The following VWDE variants were observed in gnomAD, a reference collection of about 807,000 sequenced individuals.
VWDE encodes the protein von Willebrand factor D and EGF domain-containing protein.
VWDE carries 207 observed loss-of-function variants against 178.4 expected under a neutral mutation model. The observed-to-expected ratio is 1.16, with a 90% CI of 1.04 to 1.30. VWDE has a LOEUF of 1.30. Ranked by LOEUF, VWDE falls within the 50% of genes most tolerant of loss-of-function variation. The pLI is 0.00. For missense variants in VWDE, 2,287 were observed against 1,901.3 expected, an observed-to-expected ratio of 1.20 and a Z score of -3.77; for synonymous variants, 738 against 651.4, an observed-to-expected ratio of 1.13 and a Z score of -2.02.
Position 12,373,263 on chromosome 7 carries a change from G to C in VWDE, c.1317-16C>G, listed in dbSNP as rs953520971. Reference sequence around the variant, plus strand: ...ATCATATACCCTATCATTAACAAAAGGCAATTGCATTAAAAAATCGTGTAA... The same window carrying C: ...ATCATATACCCTATCATTAACAAAACGCAATTGCATTAAAAAATCGTGTAA... On this transcript the variant is annotated splice_polypyrimidine_tract_variant and intron_variant, in intron 9 of 28. Transcript: ENST00000275358. 1 of 1,546,606 alleles carries C rather than the reference G, an allele frequency of 6.5e-7. No homozygotes were observed. The highest frequency in any genetic ancestry group is 8.7e-7 in the Non-Finnish European group (1 of 1,145,716).
At chr7:12,363,387 G>C (rs926046560) in intron 13 of VWDE, among the ~76,000 whole-genome samples, 1 of 152,002 alleles carries the variant, frequency 6.6e-6, no homozygotes, top group Non-Finnish European at 1.5e-5. Context: ...AAATCATAAT[G>C]TGCCATCCAT....
intron 18 of VWDE, chr7:12,354,400 T>C (rs1158084274): frequency 4.5e-6 from 2 of 443,524 alleles, no homozygotes; most frequent in East Asian, 1.5e-4. Flanking sequence ...TGAACCACAA[T>C]GATAGGAACC....
chr7:12,387,322 CATT>C (rs1056913257), intron 3 of VWDE, among the ~76,000 whole-genome samples: 11 of 151,944 alleles, frequency 7.2e-5, no homozygotes, highest in African/African-American at 2.7e-4. Flanking sequence ...GAGTGTGTGT[CATT>C]GTTTTTATGA....
intron 1 of VWDE, among the ~76,000 whole-genome samples, chr7:12,399,502 C>G (rs573333044): frequency 1.3e-5 from 2 of 152,150 alleles, no homozygotes; most frequent in Non-Finnish European, 2.9e-5. Context: ...TAATATCCCA[C>G]TTTCAATATC....
chr7:12,349,719 A>G (rs996270423), intron 19 of VWDE, among the ~76,000 whole-genome samples: 2 of 152,020 alleles, frequency 1.3e-5, no homozygotes, highest in African/African-American at 4.8e-5. Flanking sequence ...CTAAATGATT[A>G]TTTGAAAAAA....
At chr7:12,383,387 A>T in intron 4 of VWDE, 149 bp downstream of exon 4, 1 of 649,972 alleles carries the variant, frequency 1.5e-6, no homozygotes, top group East Asian at 3.0e-5. Flanking sequence ...TAAAGGCACG[A>T]TAAAGTTATT....
chr7:12,389,495 T>C (rs1392660264), intron 2 of VWDE, 137 bp from the exon 3 acceptor site: 2 of 624,248 alleles, frequency 3.2e-6, no homozygotes, highest in Non-Finnish European at 5.6e-6. Flanking sequence ...GTACCTGTTC[T>C]ATACAAGGAA....
chr7:12,336,046 T>C, intron 27 of VWDE, 95 bp downstream of exon 27: 1 of 1,085,282 alleles, frequency 9.2e-7, no homozygotes, highest in East Asian at 2.8e-5. Context: ...CTGGAGTTTT[T>C]TCCCCCTTAT....
At chr7:12,338,722 T>C (rs1003560774) in intron 24 of VWDE, among the ~76,000 whole-genome samples, 3 of 152,058 alleles carry the variant, frequency 2.0e-5, no homozygotes, top group Non-Finnish European at 4.4e-5. Flanking sequence ...AATCCTGAAG[T>C]GGGCTAAGTA....
intron 1 of VWDE, among the ~76,000 whole-genome samples, chr7:12,394,894 C>A (rs542177820): frequency 3.3e-5 from 5 of 152,142 alleles, no homozygotes; most frequent in East Asian, 1.9e-4. Context: ...AAATCAAAAT[C>A]AATTTCTCAA....
rs1783299319 is a variant in VWDE, at chr7:12,373,060, A to C, written c.1504T>G (p.Ser502Ala). The change falls in exon 10 of 29, where the codon TCA (serine) becomes GCA (alanine). Residue 502 changes from serine (S) to alanine (A), a missense_variant. Transcript: ENST00000275358. ...FDMCNGQLRE[S>A]QPYLFIKSQD... is the part of the protein sequence containing the mutation. ...CTTTTTATGAACAAATATGGTTGTG[A>C]TTCACGTAGCTGACCATTGCACATA... is the stretch of plus-strand genomic sequence containing the variant. 6.4e-7 allele frequency: 1 copy of C among 1,551,206 alleles called. No individual in the cohort carries two copies. The highest frequency in any genetic ancestry group is 1.4e-5 in the African/African-American group (1 of 73,088).
At chr7:12,393,974 TAAAC>T (rs943694296) in intron 1 of VWDE, among the ~76,000 whole-genome samples, 196 bp from the exon 2 acceptor site, 4 of 152,180 alleles carry the variant, frequency 2.6e-5, no homozygotes, top group African/African-American at 7.2e-5. Context: ...ATAAATGCGA[TAAAC>T]AAATCAACAA....
chr7:12,391,607 T>A (rs1784392498), intron 2 of VWDE, among the ~76,000 whole-genome samples: 1 of 152,254 alleles, frequency 6.6e-6, no homozygotes, highest in South Asian at 2.1e-4. Context: ...ATTCTGAATT[T>A]TTTTTAGTTC....
chr7:12,331,628 T>C (rs560070678), intron 28 of VWDE, among the ~76,000 whole-genome samples: 3 of 152,276 alleles, frequency 2.0e-5, no homozygotes, highest in South Asian at 4.1e-4. Flanking sequence ...GCTTGTTATG[T>C]CCCAGGCACC....
Position 12,370,686 on chromosome 7 carries a change from T to C in VWDE, c.1766A>G (p.Asn589Ser). Reference sequence around the variant, plus strand: ...TTCATTAATAAAAGCAACATAATTGTTAAAATTTTGATCAATTTGCATCCC... The same window carrying C: ...TTCATTAATAAAAGCAACATAATTGCTAAAATTTTGATCAATTTGCATCCC... ...KNGMQIDQNF[N>S]NYVAFINEWR... The change falls in exon 11 of 29, where the codon AAC becomes AGC. Residue 589 changes from asparagine (N) to serine (S), a missense_variant. By Grantham distance (46) the Asn-to-Ser change is conservative. Coordinates refer to ENST00000275358, the MANE Select transcript of VWDE (RefSeq NM_001135924.3). 1.3e-6 allele frequency: 2 copies of C among 1,551,178 alleles called. No homozygotes were observed. The highest frequency in any genetic ancestry group is 1.7e-6 in the Non-Finnish European group (2 of 1,146,692).
intron 2 of VWDE, 117 bp from the exon 3 acceptor site, chr7:12,389,475 A>G (rs1363272190): frequency 2.6e-6 from 2 of 761,516 alleles, no homozygotes; most frequent in African/African-American, 3.5e-5. Context: ...CATTAAAAAA[A>G]TTATGGCTTG....
chr7:12,366,372 G>C (rs1782861035), intron 13 of VWDE, among the ~76,000 whole-genome samples: 1 of 151,918 alleles, frequency 6.6e-6, no homozygotes, highest in African/African-American at 2.4e-5. Flanking sequence ...TGCTTTCCAA[G>C]AGAATATAAA....
intron 13 of VWDE, among the ~76,000 whole-genome samples, chr7:12,364,123 G>C (rs1782729145): frequency 6.6e-6 from 1 of 152,044 alleles, no homozygotes. Flanking sequence ...GAGAAGGCTA[G>C]AATGAACCTT....
At chr7:12,385,749 C>T (rs554587186) in intron 3 of VWDE, among the ~76,000 whole-genome samples, 3 of 152,252 alleles carry the variant, frequency 2.0e-5, no homozygotes, top group South Asian at 2.1e-4. Flanking sequence ...AAGCTTCTAT[C>T]GGCAAGCCAG....
Sources: allele counts gnomAD v4.1 joint callset (sites outside exome capture counted in the v4.1 genomes callset), GRCh38; gene constraint gnomAD v4.1.1; transcripts MANE v1.5; gene names NCBI Gene and HGNC (gene_info 2026-07-23, HGNC 2026-07-21).